Variants in CPD observed in about 807,000 individuals in gnomAD.
The protein encoded by CPD is carboxypeptidase D.
CPD carries 69 observed loss-of-function variants against 138.3 expected under a neutral mutation model. The ratio of observed to expected loss-of-function variants is 0.50; its 90% CI spans 0.41 to 0.61. CPD has a LOEUF of 0.61. Ranked by LOEUF, CPD falls within the 20% of genes least tolerant of loss-of-function variation. The pLI is 0.00. For synonymous variants in CPD, 651 were observed against 642.1 expected, an observed-to-expected ratio of 1.01 and a Z score of -0.21; for missense variants, 1,432 against 1,733.3, an observed-to-expected ratio of 0.83 and a Z score of 3.09.
At chr17:30,417,091 A>G (rs1399053502) in intron 2 of CPD, among the ~76,000 whole-genome samples, 1 of 148,612 alleles carries the variant, frequency 6.7e-6, no homozygotes, top group Non-Finnish European at 1.5e-5. Flanking sequence ...ACAGAGTGAG[A>G]CTCAGTCTCC....
intron 2 of CPD, among the ~76,000 whole-genome samples, chr17:30,419,664 A>G (rs1309047817): frequency 6.6e-6 from 1 of 152,190 alleles, no homozygotes; most frequent in African/African-American, 2.4e-5. Flanking sequence ...ATTTTTAAAC[A>G]TCATAGAATG....
intron 6 of CPD, among the ~76,000 whole-genome samples, chr17:30,426,301 T>G (rs1912407619): frequency 6.6e-6 from 1 of 152,064 alleles, no homozygotes; most frequent in African/African-American, 2.4e-5. Context: ...GTAAAGAGTT[T>G]AATTAATGCA....
Position 30,379,117 on chromosome 17 carries a change from C to T in CPD, c.137C>T (p.Ala46Val), listed in dbSNP as rs1442919170. The T allele has an allele frequency of 4.5e-6, 7 of 1,542,768 alleles. No homozygotes were observed. The highest frequency in any genetic ancestry group is 1.4e-5 in the African/African-American group (1 of 70,826). ...GAGGCGACTACCACAACTACGAGCG[C>T]GGGCGCCGAGGCGGCCGAGGGCCAG... Reference protein sequence around the residue: ...KAEATTTTTSAGAEAAEGQFD... With the variant: ...KAEATTTTTSVGAEAAEGQFD... The change falls in exon 1 of 21, where the codon GCG becomes GTG. Residue 46 changes from alanine to valine, a missense_variant. Physicochemically the swap from Ala to Val is moderately conservative, Grantham distance 64. Transcript: ENST00000225719. The surrounding 1 kb of genome is among the most constrained non-coding windows in gnomAD (Gnocchi z 7.0).
chr17:30,420,200 G>A (rs930031485), intron 2 of CPD, among the ~76,000 whole-genome samples: 3 of 152,242 alleles, frequency 2.0e-5, no homozygotes, highest in South Asian at 2.1e-4. Flanking sequence ...TCCATCTTCC[G>A]TTTAACACAT....
At chr17:30,423,065 C>T (rs776362713) in intron 5 of CPD, 42 bp downstream of exon 5, 1 of 1,422,312 alleles carries the variant, frequency 7.0e-7, no homozygotes, top group South Asian at 1.3e-5. Flanking sequence ...TAGTGCCCCT[C>T]AAAGCCATGT....
At chr17:30,456,186 A>G (rs1440388284) in intron 15 of CPD, 70 bp from the exon 16 acceptor site, 3 of 1,200,082 alleles carry the variant, frequency 2.5e-6, no homozygotes, top group African/African-American at 3.1e-5. Context: ...ACTTGTATCC[A>G]TGAAGGTTAA....
Position 30,465,924 on chromosome 17 carries a change from T to C in CPD, c.*1110T>C, listed in dbSNP as rs949070666. 4 of 152,550 alleles carry C rather than the reference T, an allele frequency of 2.6e-5. No homozygotes were observed. Among genetic ancestry groups the C allele is most frequent in the African/African-American group, 9.6e-5 (4 of 41,466 alleles). 9.4% of individuals were successfully genotyped at this position (152,550 alleles called of 1,614,324 possible). On this transcript the variant is annotated 3_prime_UTR_variant, in exon 21 of 21. Coordinates refer to ENST00000225719, the MANE Select transcript of CPD (RefSeq NM_001304.5). ...CATAGGCCTCTGGGAGTGATTTGGT[T>C]CTTTGCCCTAATGTTTCATTTGACG...
At chr17:30,407,463 C>T (rs371570469) in intron 2 of CPD, among the ~76,000 whole-genome samples, 7 of 152,170 alleles carry the variant, frequency 4.6e-5, no homozygotes, top group South Asian at 4.1e-4. Context: ...TTCTCTACAT[C>T]GTCTCCAGTA....
intron 2 of CPD, among the ~76,000 whole-genome samples, chr17:30,397,205 C>A (rs1034675056): frequency 6.6e-6 from 1 of 151,934 alleles, no homozygotes; most frequent in Admixed American, 6.6e-5. Flanking sequence ...AAAAACTATG[C>A]CTTTTTGATA....
chr17:30,461,350 A>T lies in CPD; in HGVS notation c.3630+39A>T, dbSNP rs1220623862. The T allele has an allele frequency of 3.4e-6, 5 of 1,489,364 alleles. No homozygotes were observed. In the East Asian group the frequency reaches 9.7e-5, roughly 29 times the overall value. 92.3% of individuals were successfully genotyped at this position (1,489,364 alleles called of 1,614,324 possible). On this transcript the variant is annotated intron_variant, in intron 18 of 20. Coordinates refer to ENST00000225719, the MANE Select transcript of CPD (RefSeq NM_001304.5). The stretch of plus-strand genomic sequence containing the variant: ...TTTTAACTAGAGGCAAACTCCCAGG[A>T]ATATGTTCAGTGAAAACCTTTATCA...
At chr17:30,415,633 T>G (rs1413840737) in intron 2 of CPD, among the ~76,000 whole-genome samples, 1 of 152,198 alleles carries the variant, frequency 6.6e-6, no homozygotes, top group Non-Finnish European at 1.5e-5. Flanking sequence ...AAAGAAGATA[T>G]ACACATGGCC....
intron 2 of CPD, among the ~76,000 whole-genome samples, chr17:30,392,605 A>T (rs1360852937): frequency 6.6e-6 from 1 of 152,192 alleles, no homozygotes; most frequent in East Asian, 1.9e-4. Context: ...GTCTGAACCC[A>T]CTAATATATC....
At chr17:30,462,109 T>C in intron 19 of CPD, 47 bp downstream of exon 19, 2 of 1,486,058 alleles carry the variant, frequency 1.3e-6, no homozygotes, top group Non-Finnish European at 1.8e-6. Flanking sequence ...TTATTCTTAA[T>C]AATACTTCTG....
At chr17:30,397,953 G>A (rs562056163) in intron 2 of CPD, among the ~76,000 whole-genome samples, 43 of 151,160 alleles carry the variant, frequency 2.8e-4, no homozygotes, top group African/African-American at 1.0e-3. Flanking sequence ...CAAGGTGGGA[G>A]GATTGCTTGT....
At chr17:30,457,445 C>A (rs1334848529) in intron 17 of CPD, among the ~76,000 whole-genome samples, 1 of 152,084 alleles carries the variant, frequency 6.6e-6, no homozygotes, top group Non-Finnish European at 1.5e-5. Flanking sequence ...CTGTTTGAAC[C>A]CTGTGCTGCC....
At chr17:30,401,954 T>A (rs1329162612) in intron 2 of CPD, among the ~76,000 whole-genome samples, 19 of 142,636 alleles carry the variant, frequency 1.3e-4, no homozygotes, top group East Asian at 6.6e-4. Context: ...TTTTTTTTTT[T>A]AAATAGCATG....
chr17:30,427,008 C>G (rs1912430579), intron 6 of CPD, among the ~76,000 whole-genome samples: 2 of 151,930 alleles, frequency 1.3e-5, no homozygotes, highest in Non-Finnish European at 2.9e-5. Context: ...TGGTGAAACC[C>G]CATCTCTACT....
At chr17:30,386,892 TA>T (rs1911206051) in intron 2 of CPD, among the ~76,000 whole-genome samples, 1 of 152,208 alleles carries the variant, frequency 6.6e-6, no homozygotes, top group Non-Finnish European at 1.5e-5. Flanking sequence ...CCTTGGCTAC[TA>T]GGAATAATGC....
chr17:30,455,173 T>C (rs1390973606), intron 14 of CPD, 166 bp from the exon 15 acceptor site: 3 of 603,598 alleles, frequency 5.0e-6, no homozygotes, highest in African/African-American at 1.9e-5. Context: ...CTACCTTCTG[T>C]AATGTATCTT....
Sources: allele counts gnomAD v4.1 joint callset (sites outside exome capture counted in the v4.1 genomes callset), GRCh38; gene constraint gnomAD v4.1.1; non-coding constraint Gnocchi (gnomAD v3.1); transcripts MANE v1.5; gene names NCBI Gene and HGNC (gene_info 2026-07-23, HGNC 2026-07-21).